Variants in CHMP5 observed in about 807,000 individuals in gnomAD.
The protein encoded by CHMP5 is SNF7 domain containing 2.
A neutral mutation model predicts 33.0 loss-of-function variants in CHMP5; 17 were observed. The ratio of observed to expected loss-of-function variants is 0.52; its 90% CI spans 0.35 to 0.77. The LOEUF (loss-of-function observed/expected upper bound fraction) is 0.77. CHMP5 is among the 30% of genes least tolerant of loss of function. CHMP5 has a pLI of 0.01. For missense variants in CHMP5, 216 were observed against 261.5 expected (o/e 0.83, Z 1.20); for synonymous variants, 76 against 90.2 (o/e 0.84, Z 0.89).
At position 33,266,013 on chromosome 9, in the gene CHMP5, G is replaced by T; in HGVS notation, c.73G>T (p.Asp25Tyr). ...GCATTTGATATTTTCCCCTAAGGTG[G>T]ACAGTAGAGCAGAATCCATTGACAA... Reference protein sequence around the residue: ...PSLTDCIGTVDSRAESIDKKI... With the variant: ...PSLTDCIGTVYSRAESIDKKI... The change falls in exon 2 of 8, where the codon GAC (aspartate) becomes TAC (tyrosine). Residue 25 changes from aspartate to tyrosine, a missense_variant. By Grantham distance (160) the Asp-to-Tyr change is radical (BLOSUM62 -3). Transcript: ENST00000223500. 1 of 1,608,194 alleles carries T rather than the reference G, an allele frequency of 6.2e-7. No individual in the cohort carries two copies. Among genetic ancestry groups the T allele is most frequent in the South Asian group, 1.1e-5 (1 of 90,922 alleles).
intron 3 of CHMP5, 99 bp from the exon 4 acceptor site, chr9:33,270,524 G>T: frequency 3.2e-6 from 3 of 936,126 alleles, no homozygotes; most frequent in Non-Finnish European, 4.8e-6. Context: ...TTGTTCCGTT[G>T]TTTTTTTTTT....
In CHMP5 at chr9:33,265,138, C is replaced by T. The variant is rs765493437; in HGVS notation, c.60C>T (p.Cys20=). The T allele has an allele frequency of 1.2e-6, 2 of 1,614,196 alleles. No homozygotes were observed. Among genetic ancestry groups the T allele is most frequent in the Non-Finnish European group, 1.7e-6 (2 of 1,180,016 alleles). Residue 20 remains cysteine, a synonymous_variant, in exon 1 of 8, where the codon TGC becomes TGT. Coordinates refer to ENST00000223500, the MANE Select transcript of CHMP5 (RefSeq NM_016410.6). ...PKAPPPSLTD[C]IGTVDSRAES... ...CTCCGCCGCCCAGCCTGACTGACTGCATTGGCACGGTGGGCATTTGATCAT... is the reference window on the plus strand; with the variant it reads ...CTCCGCCGCCCAGCCTGACTGACTGTATTGGCACGGTGGGCATTTGATCAT...
intron 1 of CHMP5, 59 bp from the exon 2 acceptor site, chr9:33,265,951 C>T: frequency 9.2e-7 from 1 of 1,084,070 alleles, no homozygotes; most frequent in Non-Finnish European, 1.4e-6. Flanking sequence ...TCTCTACCTG[C>T]CCCTTCTGGA....
intron 7 of CHMP5, among the ~76,000 whole-genome samples, chr9:33,278,591 C>G (rs1428903600): frequency 6.6e-6 from 1 of 152,100 alleles, no homozygotes; most frequent in African/African-American, 2.4e-5. Context: ...TTCATACACA[C>G]CAGTTAATTA....
At chr9:33,266,695 G>A (rs1251120785) in intron 2 of CHMP5, among the ~76,000 whole-genome samples, 1 of 152,214 alleles carries the variant, frequency 6.6e-6, no homozygotes, top group Non-Finnish European at 1.5e-5. Context: ...TGAGAAGGTG[G>A]TAATCTGGAG....
chr9:33,266,120 G>T lies in CHMP5; in HGVS notation c.174+6G>T. On this transcript the variant is annotated splice_donor_region_variant and intron_variant, in intron 2 of 7. Coordinates refer to ENST00000223500, the MANE Select transcript of CHMP5 (RefSeq NM_016410.6). The stretch of plus-strand genomic sequence containing the variant: ...TGAGAGAGGGTCCTGCAAAGGTAAG[G>T]TGGGCAGCAACTGCTGCACAAGGTG... 6.3e-7 allele frequency: 1 copy of T among 1,594,768 alleles called. No homozygotes were observed. The highest frequency in any genetic ancestry group is 8.6e-7 in the Non-Finnish European group (1 of 1,163,082).
At chr9:33,272,660 C>T (rs1036278254) in intron 5 of CHMP5, among the ~76,000 whole-genome samples, 6 of 151,882 alleles carry the variant, frequency 4.0e-5, no homozygotes, top group Admixed American at 3.3e-4. Context: ...AAAAATTAGC[C>T]GAGCATGGTG....
intron 3 of CHMP5, among the ~76,000 whole-genome samples, chr9:33,270,381 C>A (rs1322679501): frequency 6.6e-6 from 1 of 152,184 alleles, no homozygotes; most frequent in Non-Finnish European, 1.5e-5. Context: ...CAGAACATAT[C>A]CCCATTGTTA....
chr9:33,270,413 C>T (rs1007225718), intron 3 of CHMP5, among the ~76,000 whole-genome samples: 5 of 152,090 alleles, frequency 3.3e-5, no homozygotes, highest in African/African-American at 1.2e-4. Flanking sequence ...ACTGTACATG[C>T]AAAGGAAAAA....
intron 7 of CHMP5, 114 bp from the exon 8 acceptor site, chr9:33,280,695 G>T: frequency 1.1e-6 from 1 of 897,608 alleles, no homozygotes; most frequent in Non-Finnish European, 1.7e-6. Context: ...CTGCGATTTT[G>T]GTTTTGATTG....
In CHMP5 at chr9:33,282,014, T is replaced by C. The variant is rs1056339; in HGVS notation, c.*1155T>C. 1 of 152,254 alleles carries C rather than the reference T, an allele frequency of 6.6e-6. No individual in the cohort carries two copies. Among genetic ancestry groups the C allele is most frequent in the African/African-American group, 2.4e-5 (1 of 41,454 alleles). 9.4% of individuals were successfully genotyped at this position (152,254 alleles called of 1,614,324 possible). ...CCTAGCTGGGTGCCTCACAGTGCTA[T>C]GTGCACCTGACTCTCATGTGTCTGC... On this transcript the variant is annotated 3_prime_UTR_variant, in exon 8 of 8. Coordinates refer to ENST00000223500, the MANE Select transcript of CHMP5 (RefSeq NM_016410.6).
chr9:33,266,732 A>G (rs1820731999), intron 2 of CHMP5, among the ~76,000 whole-genome samples: 1 of 152,206 alleles, frequency 6.6e-6, no homozygotes, highest in Non-Finnish European at 1.5e-5. Flanking sequence ...GCTCAAGATC[A>G]ATGACTTGCT....
At chr9:33,270,855 G>A in intron 4 of CHMP5, 139 bp downstream of exon 4, 1 of 703,428 alleles carries the variant, frequency 1.4e-6, no homozygotes, top group Non-Finnish European at 2.4e-6. Flanking sequence ...GCTGAGGTGG[G>A]TGGATCACCT....
chr9:33,278,184 C>T lies in CHMP5; in HGVS notation c.568C>T (p.Pro190Ser). 1 of 1,613,058 alleles carries T rather than the reference C, an allele frequency of 6.2e-7. No homozygotes were observed. Among genetic ancestry groups the T allele is most frequent in the South Asian group, 1.1e-5 (1 of 90,816 alleles). Reference protein sequence around the residue: ...SSYLDEAASAPAIPEGVPTDT... With the variant: ...SSYLDEAASASAIPEGVPTDT... Reference sequence around the variant, plus strand: ...TTATTTGGATGAGGCAGCATCTGCACCTGCAATTCCAGAAGGTGTTCCCAC... The same window carrying T: ...TTATTTGGATGAGGCAGCATCTGCATCTGCAATTCCAGAAGGTGTTCCCAC... The change falls in exon 7 of 8, where the codon CCT (proline) becomes TCT (serine). Residue 190 changes from proline to serine, a missense_variant. By Grantham distance (74) the Pro-to-Ser change is moderately conservative. Transcript: ENST00000223500.
intron 2 of CHMP5, among the ~76,000 whole-genome samples, chr9:33,267,026 CAG>C (rs1820735607): frequency 6.6e-6 from 1 of 152,174 alleles, no homozygotes; most frequent in African/African-American, 2.4e-5. Flanking sequence ...ATCTGTAAAA[CAG>C]AGATAATACC....
chr9:33,269,392 T>A (rs1256273703), intron 3 of CHMP5, among the ~76,000 whole-genome samples: 3 of 152,158 alleles, frequency 2.0e-5, no homozygotes, highest in African/African-American at 7.2e-5. Flanking sequence ...TAATCCCACC[T>A]ACTTGGGAGG....
intron 3 of CHMP5, among the ~76,000 whole-genome samples, chr9:33,269,488 A>C (rs1380651848): frequency 6.6e-6 from 1 of 152,152 alleles, no homozygotes; most frequent in Non-Finnish European, 1.5e-5. Flanking sequence ...TGGGCAACAG[A>C]GCAAGACTGG....
chr9:33,280,959 C>A lies in CHMP5; in HGVS notation c.*100C>A. The A allele has an allele frequency of 1.0e-6, 1 of 965,754 alleles. No individual in the cohort carries two copies. Among genetic ancestry groups the A allele is most frequent in the Non-Finnish European group, 1.5e-6 (1 of 655,926 alleles). 59.8% of individuals were successfully genotyped at this position (965,754 alleles called of 1,614,324 possible). A position where few individuals can be genotyped will look rare whatever the true frequency, so the allele number is the denominator to read the frequency against. The stretch of plus-strand genomic sequence containing the variant: ...TGCCATAACAGATTTAGGTTTCTTT[C>A]CTTTCTTTGAAGGAAAGTTTAATTA... On this transcript the variant is annotated 3_prime_UTR_variant, in exon 8 of 8. Coordinates refer to ENST00000223500, the MANE Select transcript of CHMP5 (RefSeq NM_016410.6).
chr9:33,280,937 C>T lies in CHMP5; in HGVS notation c.*78C>T. 1 of 1,261,536 alleles carries T rather than the reference C, an allele frequency of 7.9e-7. No homozygotes were observed. 78.1% of individuals were successfully genotyped at this position (1,261,536 alleles called of 1,614,324 possible). A position where few individuals can be genotyped will look rare whatever the true frequency, so the allele number is the denominator to read the frequency against. The stretch of plus-strand genomic sequence containing the variant: ...GAAATATTTATCTTTCCAAATTTGC[C>T]ATAACAGATTTAGGTTTCTTTCCTT... On this transcript the variant is annotated 3_prime_UTR_variant, in exon 8 of 8. Transcript: ENST00000223500.
Sources: allele counts gnomAD v4.1 joint callset (sites outside exome capture counted in the v4.1 genomes callset), GRCh38; gene constraint gnomAD v4.1.1; transcripts MANE v1.5; gene names NCBI Gene and HGNC (gene_info 2026-07-23, HGNC 2026-07-21).